CEP192: variants seen among roughly 807,000 people sequenced by gnomAD.
CEP192 encodes the protein centrosomal protein of 192 kDa.
In CEP192, 151 loss-of-function variants were observed where a neutral mutation model predicts 271.8. That is an observed-to-expected ratio of 0.56 (90% confidence interval 0.49 to 0.64). The LOEUF (loss-of-function observed/expected upper bound fraction) is 0.64, where lower values mean the gene tolerates loss of function less well. Ranked by LOEUF, CEP192 falls within the 30% of genes least tolerant of loss-of-function variation. The pLI, the probability that CEP192 is intolerant of heterozygous loss-of-function variation, is 0.00. For synonymous variants in CEP192, 995 were observed against 1,076.5 expected, an observed-to-expected ratio of 0.92 and a Z score of 1.48; for missense variants, 2,910 against 3,020.5, an observed-to-expected ratio of 0.96 and a Z score of 0.86.
chr18:13,084,241 G>T (rs1394006386), intron 30 of CEP192, among the ~76,000 whole-genome samples: 1 of 152,192 alleles, frequency 6.6e-6, no homozygotes, highest in African/African-American at 2.4e-5. Context: ...GGGCTCTATA[G>T]AGGTTGTAGG....
rs1189934773 is a variant in CEP192, at chr18:13,087,141, C to G, written c.5741C>G (p.Ser1914Cys). ...VPGKESKIVF[S>C]VRNTGSRAAF... ...GGCAAAGAAAGTAAAATTGTTTTTT[C>G]TGTCCGCAACACTGGCTCCCGAGCA... Residue 1914 changes from serine to cysteine, a missense_variant, in exon 31 of 45, where the codon TCT (serine) becomes TGT (cysteine). Coordinates refer to ENST00000506447, the MANE Select transcript of CEP192 (RefSeq NM_032142.4). 4 of 1,613,960 alleles carry G rather than the reference C, an allele frequency of 2.5e-6. No homozygotes were observed. Among genetic ancestry groups the G allele is most frequent in the Non-Finnish European group, 3.4e-6 (4 of 1,179,996 alleles).
chr18:13,098,064 A>G (rs1462100130), intron 36 of CEP192, among the ~76,000 whole-genome samples: 2 of 152,060 alleles, frequency 1.3e-5, no homozygotes, highest in Non-Finnish European at 1.5e-5. Flanking sequence ...AGACACAGCA[A>G]CCATCCGATT....
intron 30 of CEP192, among the ~76,000 whole-genome samples, chr18:13,076,262 T>C (rs1248707964): frequency 1.3e-5 from 2 of 152,224 alleles, no homozygotes; most frequent in African/African-American, 4.8e-5. Context: ...GGAGTCTTGC[T>C]CCATCGCCAG....
chr18:13,122,686 T>C (rs1224921745), intron 44 of CEP192, among the ~76,000 whole-genome samples: 1 of 152,212 alleles, frequency 6.6e-6, no homozygotes, highest in Non-Finnish European at 1.5e-5. Context: ...AGTTGGGGGC[T>C]GAGTGTGCAC....
At chr18:13,115,128 C>G (rs1020601738) in intron 42 of CEP192, among the ~76,000 whole-genome samples, 6 of 152,036 alleles carry the variant, frequency 3.9e-5, no homozygotes, top group African/African-American at 1.5e-4. Flanking sequence ...AAATTAGAGC[C>G]CTTTAATGAA....
chr18:13,112,958 T>C (rs1211629936), intron 40 of CEP192, among the ~76,000 whole-genome samples: 1 of 152,272 alleles, frequency 6.6e-6, no homozygotes, highest in Admixed American at 6.5e-5. Flanking sequence ...GTAATTGTTA[T>C]AAAATGCTGT....
intron 9 of CEP192, 149 bp downstream of exon 9, chr18:13,019,355 A>G (rs2034851467): frequency 1.7e-6 from 1 of 581,762 alleles, no homozygotes; most frequent in South Asian, 3.5e-5. Context: ...ATTTTTCGAT[A>G]TGTTTATAAG....
Position 13,055,964 on chromosome 18 carries a change from G to C in CEP192, c.3374G>C (p.Ser1125Thr). ...GCAACTGAAACTACTTCTCTGAGTAGCAAGCCTGAATATGTAAAACCTGAC... is the reference window on the plus strand; with the variant it reads ...GCAACTGAAACTACTTCTCTGAGTACCAAGCCTGAATATGTAAAACCTGAC... ...RKATETTSLS[S>T]KPEYVKPDFR... is the part of the protein sequence containing the mutation. The change falls in exon 19 of 45, where the codon AGC becomes ACC. Residue 1125 changes from serine (S) to threonine (T), a missense_variant. Coordinates refer to ENST00000506447, the MANE Select transcript of CEP192 (RefSeq NM_032142.4). 1 of 1,614,216 alleles carries C rather than the reference G, an allele frequency of 6.2e-7. No individual in the cohort carries two copies. Among genetic ancestry groups the C allele is most frequent in the East Asian group, 2.2e-5 (1 of 44,886 alleles).
chr18:12,999,559 T>C lies in CEP192; in HGVS notation c.135T>C (p.Leu45=). 1 of 1,550,042 alleles carries C rather than the reference T, an allele frequency of 6.5e-7. No individual in the cohort carries two copies. Among genetic ancestry groups the C allele is most frequent in the African/African-American group, 1.4e-5 (1 of 73,124 alleles). Residue 45 remains leucine, a synonymous_variant, in exon 2 of 45, where the codon CTT becomes CTC. Coordinates refer to ENST00000506447, the MANE Select transcript of CEP192 (RefSeq NM_032142.4). The part of the protein sequence containing the change: ...NLGLPVAVST[L]ARDRSSTDNR... ...GCTTGCCTGTTGCTGTTTCTACACT[T>C]GCTAGGGATAGATCCAGCACTGATA... is the stretch of plus-strand genomic sequence containing the variant.
rs2039994696 is a variant in CEP192 at position 13,107,168 on chromosome 18, A to G, written c.7047+2089A>G. 1.3e-5 allele frequency among the ~76,000 whole-genome samples: 2 copies of G among 152,266 alleles called. 1 individual carries two copies. Among genetic ancestry groups the G allele is most frequent in the Middle Eastern group, 6.8e-3 (2 of 294 alleles). On this transcript the variant is annotated intron_variant, in intron 40 of 44. Coordinates refer to ENST00000506447, the MANE Select transcript of CEP192 (RefSeq NM_032142.4). The stretch of plus-strand genomic sequence containing the variant: ...CTTAAACTAAGCGAGCATTTTGCCA[A>G]AGGTCATACAATCAGGTAGCAAAGT...
chr18:13,039,351 A>T (rs1262613195), intron 13 of CEP192, among the ~76,000 whole-genome samples: 1 of 151,922 alleles, frequency 6.6e-6, no homozygotes, highest in Admixed American at 6.6e-5. Context: ...GCTACTTGGG[A>T]GGCTGAAGTA....
intron 1 of CEP192, among the ~76,000 whole-genome samples, chr18:12,992,435 C>T (rs555899406): frequency 6.6e-6 from 1 of 152,178 alleles, no homozygotes; most frequent in South Asian, 2.1e-4. Context: ...AGTCAGTAAT[C>T]TTTTATGTAC....
At chr18:13,097,256 C>T (rs1598592116) in intron 36 of CEP192, among the ~76,000 whole-genome samples, 1 of 152,092 alleles carries the variant, frequency 6.6e-6, no homozygotes, top group South Asian at 2.1e-4. Context: ...CAATCTTGCC[C>T]TTTCATTTTT....
chr18:13,069,704 C>A, intron 26 of CEP192, 34 bp from the exon 27 acceptor site: 5 of 1,263,828 alleles, frequency 4.0e-6, no homozygotes, highest in South Asian at 3.7e-5. Context: ...TTTTGTAAGT[C>A]GGCATTCAAT....
chr18:13,094,943 G>T (rs866368928), intron 34 of CEP192, among the ~76,000 whole-genome samples: 1 of 151,910 alleles, frequency 6.6e-6, no homozygotes. Context: ...CCCATTGCAC[G>T]GCTGTCTCCC....
intron 19 of CEP192, among the ~76,000 whole-genome samples, 198 bp from the exon 20 acceptor site, chr18:13,057,387 G>A (rs913562528): frequency 6.6e-6 from 1 of 151,916 alleles, no homozygotes; most frequent in Non-Finnish European, 1.5e-5. Context: ...CTTTTCCTGC[G>A]CTGGATGGAA....
chr18:13,117,155 G>A (rs1325709234), intron 43 of CEP192, among the ~76,000 whole-genome samples: 1 of 152,124 alleles, frequency 6.6e-6, no homozygotes, highest in Non-Finnish European at 1.5e-5. Flanking sequence ...AGGCTGGGAG[G>A]TTGAGGCTGC....
At chr18:13,092,635 AT>A in intron 34 of CEP192, 108 bp downstream of exon 34, 1 of 827,134 alleles carries the variant, frequency 1.2e-6, no homozygotes, top group Non-Finnish European at 1.9e-6. Flanking sequence ...TTGTCTCAAA[AT>A]TTTTATTTCA....
intron 15 of CEP192, among the ~76,000 whole-genome samples, chr18:13,047,441 A>G (rs2143942641): frequency 6.6e-6 from 1 of 152,334 alleles, no homozygotes. Flanking sequence ...GCACTCCCAC[A>G]AGAACAACTT....
Sources: gnomAD v4.1 joint callset for allele counts (sites outside exome capture counted in the v4.1 genomes callset) on GRCh38, gnomAD v4.1.1 for gene constraint, MANE v1.5 for transcripts, NCBI Gene and HGNC (gene_info 2026-07-23, HGNC 2026-07-21) for gene names.